The following CUX1 variants were observed in gnomAD, a reference collection of about 807,000 sequenced individuals.
CUX1 encodes cut like homeobox 1, also known as protein CASP.
CUX1 carries 31 observed loss-of-function variants against 158.8 expected under a neutral mutation model. The ratio of observed to expected loss-of-function variants is 0.20; its 90% CI spans 0.15 to 0.26. The LOEUF is 0.26. Ranked by LOEUF, CUX1 falls within the 10% of genes least tolerant of loss-of-function variation. The pLI is 1.00. For missense variants in CUX1, 1,589 were observed against 2,014.6 expected, an observed-to-expected ratio of 0.79 and a Z score of 4.04; for synonymous variants, 879 against 862.1, an observed-to-expected ratio of 1.02 and a Z score of -0.34.
chr7:102,032,167 G>A (rs1263514804), intron 3 of CUX1, among the ~76,000 whole-genome samples: 1 of 151,866 alleles, frequency 6.6e-6, no homozygotes, highest in African/African-American at 2.4e-5. Context: ...GAGCTCCAGT[G>A]ATCCGCCCGC....
upstream of CUX1, among the ~76,000 whole-genome samples, chr7:101,816,594 C>T (rs1012296704): frequency 7.0e-6 from 1 of 143,812 alleles, no homozygotes; most frequent in African/African-American, 2.5e-5. Context: ...TCGCCCCGCG[C>T]CCCCGGCCCG....
At chr7:102,093,194 G>C (rs1441259970) in intron 4 of CUX1, among the ~76,000 whole-genome samples, 2 of 125,508 alleles carry the variant, frequency 1.6e-5, no homozygotes, top group African/African-American at 3.0e-5. Context: ...GTCTCACTCT[G>C]TCCCTCAGGC....
Position 102,200,085 on chromosome 7 carries a change from C to T in CUX1, c.1975C>T (p.Arg659Trp). The stretch of plus-strand genomic sequence containing the variant: ...TCTCCCCACAGGTAACATCACCACC[C>T]GGATCCGAGCCTCGGAGACTGGCTC... ...RNGSEGNITT[R>W]IRASETGSDE... is the part of the protein sequence containing the mutation. The change falls in exon 17 of 24, where the codon CGG becomes TGG. Residue 659 changes from arginine to tryptophan, a missense_variant. Around this residue, in one of 8 missense-constraint regions of CUX1, gnomAD observed 337 missense variants for 409.3 expected, o/e 0.82. Transcript: ENST00000292535. 7 of 1,611,944 alleles carry T rather than the reference C, an allele frequency of 4.3e-6. No individual in the cohort carries two copies. Among genetic ancestry groups the T allele is most frequent in the South Asian group, 1.1e-5 (1 of 90,690 alleles).
intron 4 of CUX1, among the ~76,000 whole-genome samples, chr7:102,084,071 A>G (rs1827718800): frequency 6.9e-6 from 1 of 145,430 alleles, no homozygotes; most frequent in Non-Finnish European, 1.6e-5. Flanking sequence ...TTTTTAGTAG[A>G]GACAGAGTTT....
At chr7:102,029,017 G>A (rs946943331) in intron 3 of CUX1, among the ~76,000 whole-genome samples, 6 of 128,980 alleles carry the variant, frequency 4.7e-5, no homozygotes, top group African/African-American at 1.8e-4. Context: ...TTTGGCGACA[G>A]AGTCTTGCCC....
rs1241680262 is a variant in CUX1 at position 101,923,377 on chromosome 7, G to A, written c.141+7152G>A. Among the ~76,000 whole-genome samples the A allele has an allele frequency of 2.6e-5, 4 of 152,304 alleles. No homozygotes were observed. The East Asian group carries it at 7.7e-4, about 29-fold the overall frequency. On this transcript the variant is annotated intron_variant, in intron 2 of 23. Transcript: ENST00000292535. ...ATATGGGAGGAACCTTCTCTGATGGGAGAAAAGAGAGGAGGAGAACCACAT... is the reference window on the plus strand; with the variant it reads ...ATATGGGAGGAACCTTCTCTGATGGAAGAAAAGAGAGGAGGAGAACCACAT...
intron 2 of CUX1, among the ~76,000 whole-genome samples, chr7:102,020,861 CAA>C (rs911332546): frequency 1.4e-5 from 2 of 141,234 alleles, no homozygotes; most frequent in Admixed American, 7.3e-5. Context: ...GCCTGGGTGA[CAA>C]GAGCAAAACT....
chr7:101,967,535 A>G (rs900271128), intron 2 of CUX1, among the ~76,000 whole-genome samples: 1 of 152,196 alleles, frequency 6.6e-6, no homozygotes, highest in Non-Finnish European at 1.5e-5. Context: ...TTCGCAAATA[A>G]TGGCCTGCAA....
chr7:101,869,234 C>G lies in CUX1; in HGVS notation c.31-46881C>G, dbSNP rs573901472. ...GTGACCTGTGGCAGAGGGGCTGTGT[C>G]AGAGCCCCGGCTGGCGAGAGGAGCA... On this transcript the variant is annotated intron_variant, in intron 1 of 23. Transcript: ENST00000292535. This position sits in a 1 kb window ranked among gnomAD's most constrained non-coding sequence, Gnocchi z 4.5. Among the ~76,000 whole-genome samples the G allele has an allele frequency of 6.6e-6, 1 of 151,636 alleles. No individual in the cohort carries two copies. Among genetic ancestry groups the G allele is most frequent in the Non-Finnish European group, 1.5e-5 (1 of 67,998 alleles).
chr7:102,258,641 G>A (rs368889562), downstream of CUX1, among the ~76,000 whole-genome samples: 16 of 152,186 alleles, frequency 1.1e-4, no homozygotes, highest in Non-Finnish European at 1.6e-4. Context: ...GTGCTGGTGC[G>A]GCACTGGGCT....
intron 1 of CUX1, among the ~76,000 whole-genome samples, chr7:101,849,481 C>T (rs1296997139): frequency 6.6e-6 from 1 of 152,066 alleles, no homozygotes; most frequent in African/African-American, 2.4e-5. Flanking sequence ...GCCTCCAGCT[C>T]CATCCATGTC....
At chr7:102,047,058 G>A (rs993146587) in intron 3 of CUX1, among the ~76,000 whole-genome samples, 1 of 152,164 alleles carries the variant, frequency 6.6e-6, no homozygotes, top group African/African-American at 2.4e-5. Context: ...CTCAGGGAAG[G>A]TCTGTTCATT....
Position 102,205,107 on chromosome 7 carries a change from A to G in CUX1, c.3074-7A>G, listed in dbSNP as rs782279271. On this transcript the variant is annotated splice_region_variant and splice_polypyrimidine_tract_variant and intron_variant, in intron 19 of 23. Transcript: ENST00000292535. Reference sequence around the variant, plus strand: ...CTTCCTTTAATTATAACCTTTTTCTACTTTAGTCCTCCACTCCGTGACATC... The same window carrying G: ...CTTCCTTTAATTATAACCTTTTTCTGCTTTAGTCCTCCACTCCGTGACATC... The G allele has an allele frequency of 3.7e-6, 6 of 1,600,358 alleles. No homozygotes were observed. Among genetic ancestry groups the G allele is most frequent in the Non-Finnish European group, 5.1e-6 (6 of 1,168,726 alleles).
At chr7:101,924,075 G>A (rs995080377) in intron 2 of CUX1, among the ~76,000 whole-genome samples, 5 of 152,200 alleles carry the variant, frequency 3.3e-5, no homozygotes, top group African/African-American at 9.6e-5. Context: ...GGTGAGGGGA[G>A]GAGGTCCCTC....
At chr7:102,073,992 T>A (rs1477708854) in intron 4 of CUX1, among the ~76,000 whole-genome samples, 2 of 152,222 alleles carry the variant, frequency 1.3e-5, no homozygotes, top group African/African-American at 2.4e-5. Flanking sequence ...ATCTGCCACA[T>A]CTAACAAGTT....
intron 20 of CUX1, among the ~76,000 whole-genome samples, chr7:102,216,584 CCA>C (rs148917917): frequency 7.9e-4 from 44 of 55,486 alleles, no homozygotes; most frequent in African/African-American, 1.0e-3. Flanking sequence ...ACACACTCTC[CCA>C]CACACACACT....
chr7:101,824,053 A>C (rs192442828), intron 1 of CUX1, among the ~76,000 whole-genome samples: 1 of 152,264 alleles, frequency 6.6e-6, no homozygotes, highest in Non-Finnish European at 1.5e-5. Context: ...TCTCTAACAT[A>C]GTTTAATATC....
chr7:101,959,168 G>A (rs1373567598), intron 2 of CUX1, among the ~76,000 whole-genome samples: 1 of 151,868 alleles, frequency 6.6e-6, no homozygotes, highest in Non-Finnish European at 1.5e-5. Context: ...TGATTGGATG[G>A]TGCCTATAGA....
At chr7:102,170,296 T>G in intron 9 of CUX1, 150 bp from the exon 10 acceptor site, 1 of 612,792 alleles carries the variant, frequency 1.6e-6, no homozygotes, top group Non-Finnish European at 2.9e-6. Flanking sequence ...TCCATCACAT[T>G]CTGTGTTTTT....
Sources: allele counts gnomAD v4.1 joint callset (sites outside exome capture counted in the v4.1 genomes callset), GRCh38; gene constraint gnomAD v4.1.1; regional missense constraint gnomAD v4.1.1; non-coding constraint Gnocchi (gnomAD v3.1); transcripts MANE v1.5; gene names NCBI Gene and HGNC (gene_info 2026-07-23, HGNC 2026-07-21).